The following MASP2 variants were observed in gnomAD, a reference collection of about 807,000 sequenced individuals.
MASP2 encodes the protein mannan-binding lectin serine protease 2.
Under a neutral mutation model 57.1 loss-of-function variants are expected in MASP2, and 49 were observed. The observed-to-expected ratio is 0.86, with a 90% CI of 0.68 to 1.09. MASP2 has a LOEUF of 1.09. Among genes scored for constraint, MASP2 ranks in the 50% least tolerant of loss-of-function variants. MASP2 has a pLI of 0.00. For missense variants in MASP2, 900 were observed against 874.8 expected, an observed-to-expected ratio of 1.03 and a Z score of -0.36; for synonymous variants, 379 against 340.8, an observed-to-expected ratio of 1.11 and a Z score of -1.24.
At chr1:11,045,060 TG>T in intron 4 of MASP2, 1 of 1,063,954 alleles carries the variant, frequency 9.4e-7, no homozygotes, top group Non-Finnish European at 1.4e-6. Flanking sequence ...CCCAGAGCAC[TG>T]GCCCGTCCCA....
chr1:11,027,171 A>G lies in MASP2; in HGVS notation c.1775T>C (p.Ile592Thr), dbSNP rs1643750222. 1.1e-5 allele frequency: 18 copies of G among 1,614,104 alleles called. No individual in the cohort carries two copies. Among genetic ancestry groups the G allele is most frequent in the East Asian group, 2.2e-5 (1 of 44,880 alleles). ...AGCAGTACATTTTTGATGGTCAACA[A>G]TCGGTATGTCGACATACATTAGATT... ...ARNLMYVDIPIVDHQKCTAAY... is the reference protein window; with the variant it reads ...ARNLMYVDIPTVDHQKCTAAY... Residue 592 changes from isoleucine to threonine, a missense_variant, in exon 11 of 11, where the codon ATT becomes ACT. Transcript: ENST00000400897.
chr1:11,036,198 G>C (rs967445340), intron 7 of MASP2, among the ~76,000 whole-genome samples: 3 of 152,120 alleles, frequency 2.0e-5, no homozygotes, highest in Non-Finnish European at 4.4e-5. Context: ...AGGTCTTCTT[G>C]TGTTAAGTCA....
intron 7 of MASP2, among the ~76,000 whole-genome samples, chr1:11,036,488 G>A (rs1460448179): frequency 7.5e-6 from 1 of 133,590 alleles, no homozygotes; most frequent in Non-Finnish European, 1.5e-5. Flanking sequence ...TCCGGCCTGG[G>A]CGACAGAGCG....
intron 10 of MASP2, 177 bp downstream of exon 10, chr1:11,029,999 C>A: frequency 1.9e-6 from 1 of 531,974 alleles, no homozygotes; most frequent in Non-Finnish European, 3.3e-6. Flanking sequence ...CAGCACCTAA[C>A]AACCTCTGTA....
At position 11,026,790 on chromosome 1, in the gene MASP2, C is replaced by T. The variant is rs1643739977; in HGVS notation, c.*95G>A. Reference sequence around the variant, plus strand: ...TTGGGTGGAGCAACAACTGCCATGTCCACAGTAATGATGAATGCTTCTCGA... The same window carrying T: ...TTGGGTGGAGCAACAACTGCCATGTTCACAGTAATGATGAATGCTTCTCGA... On this transcript the variant is annotated 3_prime_UTR_variant, in exon 11 of 11. Transcript: ENST00000400897. The T allele has an allele frequency of 9.2e-7, 1 of 1,084,032 alleles. No homozygotes were observed. Among genetic ancestry groups the T allele is most frequent in the Non-Finnish European group, 1.3e-6 (1 of 786,344 alleles). 67.2% of individuals were successfully genotyped at this position (1,084,032 alleles called of 1,614,324 possible).
chr1:11,045,871 C>T, intron 3 of MASP2: 3 of 345,960 alleles, frequency 8.7e-6, no homozygotes, highest in Non-Finnish European at 1.6e-5. Context: ...TCCTAAGGAG[C>T]AGAGAAATTG....
At chr1:11,031,974 G>A (rs1209450251) in intron 8 of MASP2, among the ~76,000 whole-genome samples, 1 of 152,080 alleles carries the variant, frequency 6.6e-6, no homozygotes, top group African/African-American at 2.4e-5. Context: ...GAAAGACCTG[G>A]AAGTCTTTCT....
In MASP2 at chr1:11,045,536, A is replaced by G. The variant is rs148988902; in HGVS notation, c.416T>C (p.Ile139Thr). ...GFEAFYAAED[I>T]DECQVAPGEA... ...TCCCGGGGCCACCTGGCACTCGTCAATGTCTGGGGGAGAGGCAGGGCCAGG... is the reference window on the plus strand; with the variant it reads ...TCCCGGGGCCACCTGGCACTCGTCAGTGTCTGGGGGAGAGGCAGGGCCAGG... The change falls in exon 4 of 11, where the codon ATT becomes ACT. Residue 139 changes from isoleucine to threonine, a missense_variant. Coordinates refer to ENST00000400897, the MANE Select transcript of MASP2 (RefSeq NM_006610.4). The G allele has an allele frequency of 1.2e-6, 2 of 1,605,908 alleles. No individual in the cohort carries two copies. Among genetic ancestry groups the G allele is most frequent in the Non-Finnish European group, 1.7e-6 (2 of 1,177,760 alleles).
intron 10 of MASP2, among the ~76,000 whole-genome samples, chr1:11,027,976 C>CTT (rs1157595733): frequency 3.9e-5 from 6 of 152,124 alleles, no homozygotes; most frequent in Non-Finnish European, 8.8e-5. Flanking sequence ...AATCCCAGCA[C>CTT]TTTGGGAGGC....
At chr1:11,027,746 CA>C in intron 10 of MASP2, 98 bp from the exon 11 acceptor site, 2 of 1,292,164 alleles carry the variant, frequency 1.5e-6, no homozygotes, top group Non-Finnish European at 2.1e-6. Context: ...TGATGTCAAC[CA>C]AAAATTATAT....
intron 7 of MASP2, among the ~76,000 whole-genome samples, chr1:11,036,653 C>T (rs1432743579): frequency 6.9e-6 from 1 of 145,288 alleles, no homozygotes; most frequent in Non-Finnish European, 1.5e-5. Flanking sequence ...TTTTTTGACC[C>T]GCCACAGGAC....
At chr1:11,041,374 A>AGATGGATG (rs144619009) in intron 6 of MASP2, among the ~76,000 whole-genome samples, 8,208 of 107,246 alleles carry the variant, frequency 0.077, 489 homozygotes, top group African/African-American at 0.17. Context: ...AAGAATTGGC[A>AGATGGATG]GATGGATGGA....
intron 9 of MASP2, 124 bp downstream of exon 9, chr1:11,030,624 G>T: frequency 9.5e-7 from 1 of 1,051,322 alleles, no homozygotes; most frequent in Non-Finnish European, 1.3e-6. Context: ...CTTAGCGGAT[G>T]GGAGAAGTGG....
intron 6 of MASP2, among the ~76,000 whole-genome samples, chr1:11,041,742 ATGGGTGGG>A (rs1414843118): frequency 1.5e-3 from 217 of 143,214 alleles, no homozygotes; most frequent in Middle Eastern, 4.5e-3. Flanking sequence ...TGGGTGAAGA[ATGGGTGGG>A]TGGGTGGATG....
Position 11,043,416 on chromosome 1 carries a change from T to C in MASP2, c.664A>G (p.Ser222Gly). The C allele has an allele frequency of 1.2e-6, 2 of 1,611,004 alleles. No individual in the cohort carries two copies. Among genetic ancestry groups the C allele is most frequent in the East Asian group, 2.2e-5 (1 of 44,864 alleles). Residue 222 changes from serine to glycine, a missense_variant, in exon 5 of 11, where the codon AGT becomes GGT. Transcript: ENST00000400897. Reference sequence around the variant, plus strand: ...GACTCCACAAAGTCCAGAATGACACTGAACCCCTCCTCCAGGCTGATGCTG... The same window carrying C: ...GACTCCACAAAGTCCAGAATGACACCGAACCCCTCCTCCAGGCTGATGCTG... ...TYSISLEEGF[S>G]VILDFVESFD...
At chr1:11,044,923 C>G (rs373385593) in intron 4 of MASP2, 5 of 1,605,670 alleles carry the variant, frequency 3.1e-6, no homozygotes, top group South Asian at 1.1e-5. Flanking sequence ...CTGGGCAGGC[C>G]GGAGCTCCAG....
chr1:11,044,523 C>T (rs766603345), intron 4 of MASP2, among the ~76,000 whole-genome samples: 21 of 152,174 alleles, frequency 1.4e-4, no homozygotes, highest in Non-Finnish European at 2.6e-4. Flanking sequence ...GGTGTCTCCT[C>T]TGTGGGTCAG....
chr1:11,027,127 A>ACC lies in MASP2; in HGVS notation c.1818_1819insGG (p.Tyr607GlyfsTer7), dbSNP rs1643748859. 1 of 1,612,538 alleles carries ACC rather than the reference A, an allele frequency of 6.2e-7. No homozygotes were observed. Among genetic ancestry groups the ACC allele is most frequent in the African/African-American group, 1.3e-5 (1 of 75,012 alleles). ...TTAGCAGTTACACTTCCCCTTGGAT[A>ACC]GGGTGGCTTTTCATATGCAGCAGTA... On this transcript the variant is annotated frameshift_variant, in exon 11 of 11. Coordinates refer to ENST00000400897, the MANE Select transcript of MASP2 (RefSeq NM_006610.4). LOFTEE classifies it high-confidence loss of function.
At chr1:11,045,661 G>A in intron 3 of MASP2, 122 bp from the exon 4 acceptor site, 1 of 1,144,118 alleles carries the variant, frequency 8.7e-7, no homozygotes. Flanking sequence ...TCCTGTCTAG[G>A]GTGCGGGACT....
Sources: gnomAD v4.1 joint callset for allele counts (sites outside exome capture counted in the v4.1 genomes callset) on GRCh38, gnomAD v4.1.1 for gene constraint, MANE v1.5 for transcripts, NCBI Gene and HGNC (gene_info 2026-07-23, HGNC 2026-07-21) for gene names.